CPZ: variants seen among roughly 807,000 people sequenced by gnomAD.
The protein encoded by CPZ is carboxypeptidase Z.
CPZ carries 103 observed loss-of-function variants against 61.8 expected under a neutral mutation model. That is an observed-to-expected ratio of 1.67 (90% CI 1.42 to 1.96). CPZ has a LOEUF of 1.96. Ranked by LOEUF, CPZ falls within the 30% of genes most tolerant of loss-of-function variation. The pLI, the probability that CPZ is intolerant of heterozygous loss-of-function variation, is 0.00. For synonymous variants in CPZ, 551 were observed against 373.7 expected (o/e 1.47, Z -5.47); for missense variants, 1,461 against 914.9 (o/e 1.60, Z -7.70).
chr4:8,604,095 C>T lies in CPZ; in HGVS notation c.616C>T (p.His206Tyr), dbSNP rs1412192144. The change falls in exon 4 of 11, where the codon CAC becomes TAC. Residue 206 changes from histidine to tyrosine, a missense_variant. Coordinates refer to ENST00000360986, the MANE Select transcript of CPZ (RefSeq NM_001014447.3). ...VLRRTASRCA[H>Y]VARTYSIGRS... Reference sequence around the variant, plus strand: ...GAGGCGGACGGCCTCCCGCTGCGCCCACGTGGCCAGGACCTACAGCATCGG... The same window carrying T: ...GAGGCGGACGGCCTCCCGCTGCGCCTACGTGGCCAGGACCTACAGCATCGG... The T allele has an allele frequency of 1.2e-6, 2 of 1,608,056 alleles. No homozygotes were observed. Among genetic ancestry groups the T allele is most frequent in the Admixed American group, 1.7e-5 (1 of 59,686 alleles).
Position 8,605,319 on chromosome 4 carries a change from T to TCCATCCATCCATCC in CPZ, c.710-670_710-669insCCATCCATCCATCC, listed in dbSNP as rs1560293797. ...CTCTTCTTCCTATAGTCCATTCATT[T>TCCATCCATCCATCC]ATTCATCCATCCATCCATCCATCCA... On this transcript the variant is annotated intron_variant, in intron 4 of 10. Coordinates refer to ENST00000360986, the MANE Select transcript of CPZ (RefSeq NM_001014447.3). Among the ~76,000 whole-genome samples the TCCATCCATCCATCC allele has an allele frequency of 7.5e-4, 18 of 23,906 alleles. 1 individual carries two copies. In the East Asian group the frequency reaches 0.014, roughly 19 times the overall value. The allele number at this position is 23,906 out of a possible 152,430, so 15.7% of individuals were successfully genotyped here. A position where few individuals can be genotyped will look rare whatever the true frequency, so the allele number is the denominator to read the frequency against.
At chr4:8,601,574 A>G in intron 3 of CPZ, 77 bp downstream of exon 3, 1 of 1,369,546 alleles carries the variant, frequency 7.3e-7, no homozygotes, top group Non-Finnish European at 9.6e-7. Context: ...CACTGGAAGG[A>G]ACTTGAGGGC....
chr4:8,619,192 C>G (rs1716468208), intron 10 of CPZ, 70 bp from the exon 11 acceptor site: 1 of 1,347,798 alleles, frequency 7.4e-7, no homozygotes, highest in African/African-American at 1.5e-5. Context: ...CCACTCATAT[C>G]CATCACCCAT....
At position 8,600,556 on chromosome 4, in the gene CPZ, C is replaced by T. The variant is rs549489746; in HGVS notation, c.122-567C>T. 3.9e-5 allele frequency among the ~76,000 whole-genome samples: 6 copies of T among 152,272 alleles called. No individual in the cohort carries two copies. The East Asian group carries it at 1.2e-3, about 29-fold the overall frequency. On this transcript the variant is annotated intron_variant, in intron 2 of 10. Transcript: ENST00000360986. The stretch of plus-strand genomic sequence containing the variant: ...TAAACAAACAGCTGTGATGAGGAAG[C>T]AGGAAGGTGCCCAGCAACAATGAGG...
At chr4:8,593,780 C>G (rs1226294232) in intron 1 of CPZ, among the ~76,000 whole-genome samples, 1 of 152,200 alleles carries the variant, frequency 6.6e-6, no homozygotes, top group African/African-American at 2.4e-5. Context: ...AATACCCCAC[C>G]CCAGTGCGCT....
Position 8,617,982 on chromosome 4 carries a change from C to T in CPZ, c.1504-447C>T, listed in dbSNP as rs750486525. ...TTATACACGTGTACGATGAAGAAAC[C>T]GCGCTGCTCGAGCGAGGGTCCGAGC... On this transcript the variant is annotated intron_variant, in intron 9 of 10. Transcript: ENST00000360986. 4.6e-5 allele frequency: 9 copies of T among 193,944 alleles called. No individual in the cohort carries two copies. In the East Asian group the frequency reaches 5.2e-4, roughly 11 times the overall value. 12.0% of individuals were successfully genotyped at this position (193,944 alleles called of 1,614,324 possible).
Position 8,606,881 on chromosome 4 carries a change from C to T in CPZ, c.1051C>T (p.His351Tyr). Reference sequence around the variant, plus strand: ...CAGCGACCACATCCCCATCCCCCAGCACTACTGGTGGGGTAAGGTAGGAGC... The same window carrying T: ...CAGCGACCACATCCCCATCCCCCAGTACTACTGGTGGGGTAAGGTAGGAGC... ...ARSDHIPIPQHYWWGKVAPET... is the reference protein window; with the variant it reads ...ARSDHIPIPQYYWWGKVAPET... Residue 351 changes from histidine to tyrosine, a missense_variant, in exon 6 of 11, where the codon CAC becomes TAC. Transcript: ENST00000360986. 1 of 1,612,020 alleles carries T rather than the reference C, an allele frequency of 6.2e-7. No homozygotes were observed. The highest frequency in any genetic ancestry group is 2.2e-5 in the East Asian group (1 of 44,820).
intron 7 of CPZ, among the ~76,000 whole-genome samples, chr4:8,609,920 C>A (rs1165576303): frequency 6.6e-6 from 1 of 152,202 alleles, no homozygotes; most frequent in East Asian, 1.9e-4. Flanking sequence ...TTTCACCAAA[C>A]TTCCATGGTG....
intron 7 of CPZ, among the ~76,000 whole-genome samples, chr4:8,609,458 A>C (rs1443208499): frequency 1.5e-5 from 2 of 137,386 alleles, no homozygotes; most frequent in East Asian, 3.9e-4. Flanking sequence ...CAGGTAGTGC[A>C]CACCAAGGGT....
At chr4:8,606,482 C>T (rs955294102) in intron 5 of CPZ, among the ~76,000 whole-genome samples, 4 of 152,032 alleles carry the variant, frequency 2.6e-5, no homozygotes, top group Admixed American at 2.0e-4. Context: ...AGGTGGGCAA[C>T]GAGCAGAGCA....
At chr4:8,613,996 A>C (rs1191826447) in intron 8 of CPZ, among the ~76,000 whole-genome samples, 2 of 152,178 alleles carry the variant, frequency 1.3e-5, no homozygotes, top group African/African-American at 2.4e-5. Flanking sequence ...CAGAGACAGC[A>C]TGGGGGTGGG....
In CPZ at chr4:8,599,354, G is replaced by A. The variant is rs1714404546; in HGVS notation, c.89-99G>A. ...GATGGAGCTGGCGGAGGGTGGCCTGGGCTGGTCCCTACCTGCACTCAGGGC... is the reference window on the plus strand; with the variant it reads ...GATGGAGCTGGCGGAGGGTGGCCTGAGCTGGTCCCTACCTGCACTCAGGGC... On this transcript the variant is annotated intron_variant, in intron 1 of 10. Transcript: ENST00000360986. 4 of 1,408,100 alleles carry A rather than the reference G, an allele frequency of 2.8e-6. No homozygotes were observed. In the South Asian group the frequency reaches 4.5e-5, roughly 16 times the overall value. The allele number at this position is 1,408,100 out of a possible 1,614,324, so 87.2% of individuals were successfully genotyped here. A position where few individuals can be genotyped will look rare whatever the true frequency, so the allele number is the denominator to read the frequency against.
intron 7 of CPZ, among the ~76,000 whole-genome samples, 191 bp downstream of exon 7, chr4:8,607,616 AG>A (rs1393326846): frequency 3.3e-5 from 5 of 152,140 alleles, no homozygotes; most frequent in Non-Finnish European, 5.9e-5. Context: ...CTGTGGCCTC[AG>A]GGGCCGTCGC....
chr4:8,617,766 T>G (rs1278755106), intron 9 of CPZ, among the ~76,000 whole-genome samples: 1 of 152,146 alleles, frequency 6.6e-6, no homozygotes, highest in Non-Finnish European at 1.5e-5. Context: ...CCACGTTGTT[T>G]TCTGCTGACT....
intron 8 of CPZ, among the ~76,000 whole-genome samples, chr4:8,613,389 C>A (rs1292559401): frequency 6.6e-6 from 1 of 152,230 alleles, no homozygotes; most frequent in African/African-American, 2.4e-5. Flanking sequence ...CTCGGACTCC[C>A]AGAGTGCTGG....
At chr4:8,604,614 C>T (rs372198071) in intron 4 of CPZ, among the ~76,000 whole-genome samples, 50 of 152,176 alleles carry the variant, frequency 3.3e-4, no homozygotes, top group African/African-American at 1.1e-3. Flanking sequence ...CCCGAGTAGC[C>T]GGGACTCCAG....
chr4:8,610,876 G>A (rs78044159), intron 7 of CPZ, among the ~76,000 whole-genome samples: 2 of 152,146 alleles, frequency 1.3e-5, no homozygotes, highest in Admixed American at 6.5e-5. Context: ...TGAGAAGCTG[G>A]ACCCATTCCT....
At chr4:8,612,598 C>A (rs1413261159) in intron 8 of CPZ, among the ~76,000 whole-genome samples, 1 of 152,186 alleles carries the variant, frequency 6.6e-6, no homozygotes, top group Non-Finnish European at 1.5e-5. Flanking sequence ...TGGACTGATA[C>A]TACAATTGTA....
rs376030472 is a variant in CPZ, at chr4:8,606,871, C to T, written c.1041C>T (p.Pro347=). The change falls in exon 6 of 11, where the codon CCC becomes CCT. Residue 347 remains proline (P), a synonymous_variant. Transcript: ENST00000360986. ...GCGGCGCACGCAGCGACCACATCCC[C>T]ATCCCCCAGCACTACTGGTGGGGTA... is the stretch of plus-strand genomic sequence containing the variant. The part of the protein sequence containing the change: ...ETRGARSDHI[P]IPQHYWWGKV... 5.9e-4 allele frequency: 951 copies of T among 1,612,648 alleles called. No homozygotes were observed. Among genetic ancestry groups the T allele is most frequent in the Non-Finnish European group, 7.5e-4 (889 of 1,179,606 alleles).
Sources: gnomAD v4.1 joint callset for allele counts (sites outside exome capture counted in the v4.1 genomes callset) on GRCh38, gnomAD v4.1.1 for gene constraint, MANE v1.5 for transcripts, NCBI Gene and HGNC (gene_info 2026-07-23, HGNC 2026-07-21) for gene names.